ZCWPW2: variants seen among roughly 807,000 people sequenced by gnomAD.
The protein encoded by ZCWPW2 is zinc finger CW-type PWWP domain protein 2.
Under a neutral mutation model 46.6 loss-of-function variants are expected in ZCWPW2, and 45 were observed. The ratio of observed to expected loss-of-function variants is 0.96; its 90% confidence interval spans 0.76 to 1.24. The LOEUF is 1.24. ZCWPW2 is among the 50% of genes most tolerant of loss of function. The pLI is 0.00. For synonymous variants in ZCWPW2, 152 were observed against 137.1 expected, an observed-to-expected ratio of 1.11 and a Z score of -0.76; for missense variants, 429 against 403.9, an observed-to-expected ratio of 1.06 and a Z score of -0.53.
At chr3:28,395,105 A>T (rs574513471) in intron 2 of ZCWPW2, among the ~76,000 whole-genome samples, 1 of 152,142 alleles carries the variant, frequency 6.6e-6, no homozygotes, top group African/African-American at 2.4e-5. Context: ...CGACTTAAGT[A>T]GGCATTTCAC....
intron 3 of ZCWPW2, among the ~76,000 whole-genome samples, chr3:28,419,943 A>T (rs1185087082): frequency 2.0e-5 from 2 of 101,064 alleles, no homozygotes. Context: ...GGGAGGGGGG[A>T]GGGATAGCAT....
chr3:28,361,840 A>C (rs935755556), intron 1 of ZCWPW2, among the ~76,000 whole-genome samples: 2 of 152,162 alleles, frequency 1.3e-5, no homozygotes, highest in African/African-American at 2.4e-5. Flanking sequence ...CATACCTGTT[A>C]GGATGGCTAT....
At chr3:28,497,657 G>A (rs575167785) in intron 6 of ZCWPW2, among the ~76,000 whole-genome samples, 1 of 152,236 alleles carries the variant, frequency 6.6e-6, no homozygotes, top group South Asian at 2.1e-4. Context: ...GCGTTGGCCT[G>A]TGCTGAGTTG....
chr3:28,517,696 AT>A (rs1426301039), intron 8 of ZCWPW2, among the ~76,000 whole-genome samples: 1 of 152,202 alleles, frequency 6.6e-6, no homozygotes, highest in Non-Finnish European at 1.5e-5. Flanking sequence ...CATTTAATAG[AT>A]AAGTCGAGGT....
intron 4 of ZCWPW2, among the ~76,000 whole-genome samples, chr3:28,458,978 C>G (rs920764801): frequency 6.6e-6 from 1 of 152,086 alleles, no homozygotes; most frequent in Non-Finnish European, 1.5e-5. Flanking sequence ...TGCCATTGTT[C>G]GTTTTGTGTT....
At chr3:28,506,711 A>G (rs1026631545) in intron 6 of ZCWPW2, among the ~76,000 whole-genome samples, 1 of 152,064 alleles carries the variant, frequency 6.6e-6, no homozygotes, top group Non-Finnish European at 1.5e-5. Context: ...AAGATAATAC[A>G]TTTCTCTTGT....
At position 28,413,057 on chromosome 3, in the gene ZCWPW2, T is replaced by A. The variant is rs776964094; in HGVS notation, c.-12T>A. 9.4e-6 allele frequency: 15 copies of A among 1,593,398 alleles called. No homozygotes were observed. The highest frequency in any genetic ancestry group is 1.1e-5 in the Non-Finnish European group (13 of 1,168,708). ...ATTTTCCTCTTTCTTATTTTCCAGATTAAATGCCTTAATGGATAAAGAAAA... is the reference window on the plus strand; with the variant it reads ...ATTTTCCTCTTTCTTATTTTCCAGAATAAATGCCTTAATGGATAAAGAAAA... On this transcript the variant is annotated splice_region_variant and 5_prime_UTR_variant, in exon 3 of 10. Coordinates refer to ENST00000383768, the MANE Select transcript of ZCWPW2 (RefSeq NM_001040432.4).
intron 1 of ZCWPW2, among the ~76,000 whole-genome samples, chr3:28,356,162 TCAAA>T (rs1197538233): frequency 3.3e-5 from 5 of 151,812 alleles, no homozygotes; most frequent in Admixed American, 1.3e-4. Context: ...CAAGAAAAAA[TCAAA>T]CAACCTCATC....
intron 8 of ZCWPW2, among the ~76,000 whole-genome samples, chr3:28,518,135 C>CAA (rs35463839): frequency 0.027 from 2,056 of 75,580 alleles, 150 homozygotes; most frequent in African/African-American, 0.088. Flanking sequence ...GACTCCGTCT[C>CAA]AAAAAAAAAA....
intron 1 of ZCWPW2, among the ~76,000 whole-genome samples, chr3:28,369,231 C>A (rs1705227725): frequency 6.6e-6 from 1 of 152,166 alleles, no homozygotes; most frequent in South Asian, 2.1e-4. Flanking sequence ...GGAGGAGAGG[C>A]ACTTGATTTT....
chr3:28,426,628 AT>A (rs1169238344), intron 3 of ZCWPW2, among the ~76,000 whole-genome samples: 1 of 152,168 alleles, frequency 6.6e-6, no homozygotes, highest in Non-Finnish European at 1.5e-5. Flanking sequence ...TATTTTGCAT[AT>A]CAATTAATAT....
chr3:28,376,731 T>C (rs1340930717), intron 1 of ZCWPW2, among the ~76,000 whole-genome samples: 3 of 152,168 alleles, frequency 2.0e-5, no homozygotes, highest in Admixed American at 2.0e-4. Flanking sequence ...GCTTGATTCC[T>C]TGTACTCCAC....
intron 4 of ZCWPW2, among the ~76,000 whole-genome samples, chr3:28,453,797 A>ATTTATT (rs1247761767): frequency 1.4e-5 from 2 of 148,144 alleles, no homozygotes; most frequent in African/African-American, 5.0e-5. Flanking sequence ...ATAATTGTGT[A>ATTTATT]TATTTATTTA....
rs1490111215 is a variant in ZCWPW2 at position 28,435,146 on chromosome 3, G to T, written c.369G>T (p.Gly123=). The part of the protein sequence containing the change: ...PGILCPDRFK[G]KYVTYDPDGN... ...TACTTTGCCCTGACCGTTTTAAAGG[G>T]AAATATGTAACTTATGACCCGGATG... The change falls in exon 4 of 10, where the codon GGG becomes GGT. Residue 123 remains glycine (G), a synonymous_variant. Transcript: ENST00000383768. 1.2e-6 allele frequency: 2 copies of T among 1,612,652 alleles called. No individual in the cohort carries two copies. Among genetic ancestry groups the T allele is most frequent in the Non-Finnish European group, 1.7e-6 (2 of 1,179,776 alleles).
chr3:28,480,123 T>G (rs1484463685), intron 5 of ZCWPW2, among the ~76,000 whole-genome samples: 3 of 152,178 alleles, frequency 2.0e-5, no homozygotes, highest in Non-Finnish European at 4.4e-5. Flanking sequence ...TTTCTGCCCC[T>G]AGGTCTTTGA....
intron 2 of ZCWPW2, 84 bp from the exon 3 acceptor site, chr3:28,412,972 A>G: frequency 9.3e-7 from 1 of 1,071,832 alleles, no homozygotes; most frequent in South Asian, 1.6e-5. Context: ...ATCAAAGAGG[A>G]ATTTCTCTGA....
chr3:28,351,859 T>C (rs1704565172), intron 1 of ZCWPW2, among the ~76,000 whole-genome samples: 1 of 152,160 alleles, frequency 6.6e-6, no homozygotes. Flanking sequence ...TGTCTTTTCA[T>C]GTTCATATCA....
rs372020953 is a variant in ZCWPW2, at chr3:28,517,627, C to T, written c.784+2006C>T. Among the ~76,000 whole-genome samples, 3 of 152,264 alleles carry T rather than the reference C, an allele frequency of 2.0e-5. No homozygotes were observed. The South Asian group carries it at 6.2e-4, about 32-fold the overall frequency. ...TCCAACACTGTAGATTACAATTCAACATGAGATTTGGGCAGAGACACATAT... is the reference window on the plus strand; with the variant it reads ...TCCAACACTGTAGATTACAATTCAATATGAGATTTGGGCAGAGACACATAT... On this transcript the variant is annotated intron_variant, in intron 8 of 9. Coordinates refer to ENST00000383768, the MANE Select transcript of ZCWPW2 (RefSeq NM_001040432.4).
chr3:28,492,005 G>A (rs889976167), intron 5 of ZCWPW2, 122 bp from the exon 6 acceptor site: 52 of 958,538 alleles, frequency 5.4e-5, no homozygotes, highest in South Asian at 1.2e-4. Flanking sequence ...AAGGGACAAC[G>A]GGAACAAAAT....
Sources: gnomAD v4.1 joint callset for allele counts (sites outside exome capture counted in the v4.1 genomes callset) on GRCh38, gnomAD v4.1.1 for gene constraint, MANE v1.5 for transcripts, NCBI Gene and HGNC (gene_info 2026-07-23, HGNC 2026-07-21) for gene names.